Variants in SOX5 observed in about 807,000 individuals in gnomAD.
The protein encoded by SOX5 is transcription factor SOX-5.
Under a neutral mutation model 92.0 loss-of-function variants are expected in SOX5, and 9 were observed. The observed-to-expected ratio is 0.10, with a 90% CI of 0.06 to 0.17. The LOEUF is 0.17. Ranked by LOEUF, SOX5 falls within the 10% of genes least tolerant of loss-of-function variation. SOX5 has a pLI of 1.00. For synonymous variants in SOX5, 344 were observed against 336.3 expected (o/e 1.02, Z -0.25); for missense variants, 642 against 944.5 (o/e 0.68, Z 4.20).
At chr12:23,979,944 G>A (rs1359288128) in intron 4 of SOX5, among the ~76,000 whole-genome samples, 9 of 145,404 alleles carry the variant, frequency 6.2e-5, no homozygotes, top group African/African-American at 2.1e-4. Context: ...CAGATAGATA[G>A]ATAGATAGAC....
At chr12:24,035,353 A>G (rs12812915) in intron 4 of SOX5, among the ~76,000 whole-genome samples, 11,703 of 152,214 alleles carry the variant, frequency 0.077, 638 homozygotes, top group Non-Finnish European at 0.12. Context: ...TACACACAGT[A>G]GGCACATGAA....
chr12:23,815,355 C>T (rs756427909), intron 3 of SOX5, among the ~76,000 whole-genome samples: 2 of 152,150 alleles, frequency 1.3e-5, no homozygotes, highest in African/African-American at 4.8e-5. Context: ...ATATAGACCA[C>T]AAATCTTACA....
intron 2 of SOX5, among the ~76,000 whole-genome samples, chr12:23,878,595 TTTGC>T (rs1472819659): frequency 2.6e-5 from 4 of 152,080 alleles, no homozygotes; most frequent in African/African-American, 4.8e-5. Flanking sequence ...TATTTTTCTT[TTTGC>T]TTGTCTTTTT....
chr12:24,142,386 C>T (rs948827245), intron 4 of SOX5, among the ~76,000 whole-genome samples: 1 of 152,128 alleles, frequency 6.6e-6, no homozygotes, highest in Non-Finnish European at 1.5e-5. Flanking sequence ...CAAAGAGACA[C>T]AAAATTCGGA....
rs535911897 is a variant in SOX5, at chr12:24,351,694, G to A, written c.-174+16869C>T. Among the ~76,000 whole-genome samples the A allele has an allele frequency of 8.2e-4, 125 of 152,304 alleles. 1 individual carries two copies. The highest frequency in any genetic ancestry group is 1.5e-3 in the Non-Finnish European group (103 of 68,032). On this transcript the variant is annotated intron_variant, in intron 2 of 4. Transcript: ENST00000446891. ...TAAGAAATTATAATGATTAGTTATT[G>A]GAGGGAAAACCATTACATGAATACA...
At chr12:23,886,439 G>A (rs923796826) in intron 2 of SOX5, among the ~76,000 whole-genome samples, 4 of 152,112 alleles carry the variant, frequency 2.6e-5, no homozygotes, top group African/African-American at 9.7e-5. Flanking sequence ...TAAGCATTAT[G>A]TGATACATTT....
intron 2 of SOX5, among the ~76,000 whole-genome samples, chr12:24,337,851 C>A (rs777774045): frequency 6.6e-6 from 1 of 152,026 alleles, no homozygotes; most frequent in African/African-American, 2.4e-5. Context: ...TCACACAATA[C>A]GAAAACTGTA....
chr12:24,020,373 G>A (rs1480795587), intron 4 of SOX5, among the ~76,000 whole-genome samples: 1 of 152,116 alleles, frequency 6.6e-6, no homozygotes, highest in African/African-American at 2.4e-5. Context: ...AGTAAAAACA[G>A]ACAAAAGAAA....
chr12:24,005,093 C>A (rs1952013129), intron 4 of SOX5, among the ~76,000 whole-genome samples: 2 of 151,276 alleles, frequency 1.3e-5, no homozygotes, highest in Non-Finnish European at 2.9e-5. Flanking sequence ...AGATTAATTG[C>A]AAATGGGCAT....
chr12:24,451,763 T>C (rs1942343301), intron 1 of SOX5, among the ~76,000 whole-genome samples: 1 of 152,188 alleles, frequency 6.6e-6, no homozygotes, highest in African/African-American at 2.4e-5. Flanking sequence ...GGCCTCCACT[T>C]TCCCATGTTT....
intron 6 of SOX5, among the ~76,000 whole-genome samples, chr12:23,714,019 G>A (rs958327219): frequency 2.0e-5 from 3 of 150,834 alleles, no homozygotes; most frequent in Non-Finnish European, 4.4e-5. Flanking sequence ...TTGAACCTAG[G>A]GGGCAGAGGT....
chr12:23,938,503 G>A (rs1943031962), intron 1 of SOX5, among the ~76,000 whole-genome samples: 1 of 150,964 alleles, frequency 6.6e-6, no homozygotes, highest in South Asian at 2.1e-4. Flanking sequence ...TAGATTAACA[G>A]AAAAATCACT....
intron 2 of SOX5, among the ~76,000 whole-genome samples, chr12:24,311,880 T>C (rs1052498855): frequency 1.1e-4 from 16 of 152,180 alleles, no homozygotes; most frequent in African/African-American, 3.9e-4. Context: ...TCTTGTAAAA[T>C]ATATATTTTT....
chr12:23,707,117 A>G (rs2091480328), intron 6 of SOX5, among the ~76,000 whole-genome samples: 1 of 152,186 alleles, frequency 6.6e-6, no homozygotes, highest in Admixed American at 6.6e-5. Flanking sequence ...ACTTATATAG[A>G]GTTACAGGAC....
intron 2 of SOX5, among the ~76,000 whole-genome samples, chr12:24,348,364 C>T (rs1184628672): frequency 1.4e-5 from 2 of 142,772 alleles, no homozygotes; most frequent in South Asian, 2.3e-4. Context: ...CTATTGACTC[C>T]TATTTATTTA....
intron 6 of SOX5, among the ~76,000 whole-genome samples, chr12:23,702,048 G>C (rs1444779121): frequency 6.6e-6 from 1 of 152,046 alleles, no homozygotes; most frequent in African/African-American, 2.4e-5. Context: ...ATAGAATACA[G>C]AGCTGAAAGT....
At chr12:24,247,315 G>C (rs1565744098) in intron 3 of SOX5, among the ~76,000 whole-genome samples, 2 of 152,158 alleles carry the variant, frequency 1.3e-5, no homozygotes, top group Non-Finnish European at 2.9e-5. Context: ...CACAGTAGGA[G>C]GTTGGATAAT....
intron 2 of SOX5, among the ~76,000 whole-genome samples, chr12:23,858,022 C>A (rs1048289207): frequency 6.6e-6 from 1 of 152,246 alleles, no homozygotes; most frequent in Non-Finnish European, 1.5e-5. Flanking sequence ...GCATGAGCCA[C>A]CATTCCCGGC....
At chr12:24,362,678 G>T (rs1955714393) in intron 2 of SOX5, among the ~76,000 whole-genome samples, 1 of 152,042 alleles carries the variant, frequency 6.6e-6, no homozygotes, top group East Asian at 1.9e-4. Context: ...ATCAGGTAAG[G>T]AGTCGACACC....
Sources: gnomAD v4.1 joint callset for allele counts (sites outside exome capture counted in the v4.1 genomes callset) on GRCh38, gnomAD v4.1.1 for gene constraint, MANE v1.5 for transcripts, NCBI Gene and HGNC (gene_info 2026-07-23, HGNC 2026-07-21) for gene names.